Variants in PNPLA7 observed in about 807,000 individuals in gnomAD.
PNPLA7 encodes the protein patatin-like phospholipase domain-containing protein 7.
In PNPLA7, 153 loss-of-function variants were observed where a neutral mutation model predicts 161.7. The observed-to-expected ratio is 0.95, with a 90% CI of 0.83 to 1.08. The LOEUF is 1.08. Among genes scored for constraint, PNPLA7 ranks in the 50% least tolerant of loss-of-function variants. PNPLA7 has a pLI of 0.00. For missense variants in PNPLA7, 1,739 were observed against 1,856.6 expected, an observed-to-expected ratio of 0.94 and a Z score of 1.16; for synonymous variants, 809 against 782.1, an observed-to-expected ratio of 1.03 and a Z score of -0.57.
chr9:137,537,168 T>C lies in PNPLA7; in HGVS notation c.747+3474A>G, dbSNP rs748061797. Among the ~76,000 whole-genome samples, 9 of 152,234 alleles carry C rather than the reference T, an allele frequency of 5.9e-5. No individual in the cohort carries two copies. The highest frequency in any genetic ancestry group is 2.2e-4 in the African/African-American group (9 of 41,446). On this transcript the variant is annotated intron_variant, in intron 8 of 34. Coordinates refer to ENST00000406427, the MANE Select transcript of PNPLA7 (RefSeq NM_001098537.3). This position sits in a 1 kb window ranked among gnomAD's most constrained non-coding sequence, Gnocchi z 4.5. Reference sequence around the variant, plus strand: ...CAGACGGCCACTGTTGATAAAACTTTAAGTATGTTTTTAGAATCTGTCCAT... The same window carrying C: ...CAGACGGCCACTGTTGATAAAACTTCAAGTATGTTTTTAGAATCTGTCCAT...
Position 137,524,603 on chromosome 9 carries a change from C to T in PNPLA7, c.748-1746G>A, listed in dbSNP as rs943270577. On this transcript the variant is annotated intron_variant, in intron 8 of 34. Coordinates refer to ENST00000406427, the MANE Select transcript of PNPLA7 (RefSeq NM_001098537.3). This position sits in a 1 kb window ranked among gnomAD's most constrained non-coding sequence, Gnocchi z 4.4. ...CTAGGGATGGGACTTGTAGGTTGTA[C>T]GGAACACGTATCCTCACATTTATAA... 1.3e-5 allele frequency among the ~76,000 whole-genome samples: 2 copies of T among 152,350 alleles called. No individual in the cohort carries two copies. Among genetic ancestry groups the T allele is most frequent in the East Asian group, 3.9e-4 (2 of 5,192 alleles).
At chr9:137,491,061 A>C (rs190054495) in intron 20 of PNPLA7, among the ~76,000 whole-genome samples, 2 of 152,308 alleles carry the variant, frequency 1.3e-5, no homozygotes, top group African/African-American at 4.8e-5. Context: ...ACAGTTGATA[A>C]TTATAATGGA....
chr9:137,501,589 C>T, intron 15 of PNPLA7, 61 bp downstream of exon 15: 2 of 1,513,590 alleles, frequency 1.3e-6, no homozygotes, highest in East Asian at 2.3e-5. Context: ...TCTGGTGCTC[C>T]ACTTGGCACT....
chr9:137,519,775 A>G (rs1834891957), intron 11 of PNPLA7, 142 bp downstream of exon 11: 1 of 1,120,466 alleles, frequency 8.9e-7, no homozygotes, highest in Non-Finnish European at 1.2e-6. Flanking sequence ...TTGTAGGGTG[A>G]CCTGGGCCGT....
intron 26 of PNPLA7, 23 bp from the exon 27 acceptor site, chr9:137,464,479 CAGA>C: frequency 6.2e-7 from 1 of 1,601,452 alleles, no homozygotes; most frequent in East Asian, 2.2e-5. Context: ...GTGGAATTTA[CAGA>C]AGGCTTCCAC....
intron 20 of PNPLA7, chr9:137,491,613 C>A (rs1395215524): frequency 1.0e-6 from 1 of 985,430 alleles, no homozygotes. Context: ...TACCCAGAAC[C>A]GCAAAATGTG....
At chr9:137,496,160 A>G (rs1157962627) in intron 18 of PNPLA7, among the ~76,000 whole-genome samples, 1 of 138,058 alleles carries the variant, frequency 7.2e-6, no homozygotes, top group Non-Finnish European at 1.5e-5. Flanking sequence ...TTTTTGAGAT[A>G]GAGTTTAGCT....
chr9:137,522,758 A>G lies in PNPLA7; in HGVS notation c.847T>C (p.Tyr283His). 6.2e-7 allele frequency: 1 copy of G among 1,613,692 alleles called. No homozygotes were observed. Among genetic ancestry groups the G allele is most frequent in the Non-Finnish European group, 8.5e-7 (1 of 1,179,924 alleles). The change falls in exon 9 of 35, where the codon TAT (tyrosine) becomes CAT (histidine). Residue 283 changes from tyrosine (Y) to histidine (H), a missense_variant. Coordinates refer to ENST00000406427, the MANE Select transcript of PNPLA7 (RefSeq NM_001098537.3). ...AAAFHGVFEK[Y>H]PETLVRVVQI... ...ACCACCCTCACCAGAGTTTCCGGAT[A>G]TTTCTCAAAAACTCCATGAAAAGCC... is the stretch of plus-strand genomic sequence containing the variant.
rs546672178 is a variant in PNPLA7, at chr9:137,523,073, C to T, written c.748-216G>A. Among the ~76,000 whole-genome samples, 158 of 152,266 alleles carry T rather than the reference C, an allele frequency of 1.0e-3. 1 individual carries two copies. Among genetic ancestry groups the T allele is most frequent in the African/African-American group, 3.6e-3 (151 of 41,556 alleles). ...ACATGTGCGGCGAAGGACTGGCTGA[C>T]GATGAAATGTGGGTGAGGGGAGGCC... On this transcript the variant is annotated intron_variant, in intron 8 of 34. Transcript: ENST00000406427. The surrounding 1 kb of genome is among the most constrained non-coding windows in gnomAD (Gnocchi z 4.4).
At position 137,498,251 on chromosome 9, in the gene PNPLA7, G is replaced by A. The variant is rs751491885; in HGVS notation, c.1758-6C>T. The A allele has an allele frequency of 7.5e-5, 120 of 1,609,384 alleles. No individual in the cohort carries two copies. Among genetic ancestry groups the A allele is most frequent in the Middle Eastern group, 3.3e-4 (2 of 6,078 alleles). ...TCGGCTGCTTCCGCATGATTCTGCCGGGCAGCCCAGAGTCAATCCTGCCCC... is the reference window on the plus strand; with the variant it reads ...TCGGCTGCTTCCGCATGATTCTGCCAGGCAGCCCAGAGTCAATCCTGCCCC... On this transcript the variant is annotated splice_region_variant and splice_polypyrimidine_tract_variant and intron_variant, in intron 16 of 34. Coordinates refer to ENST00000406427, the MANE Select transcript of PNPLA7 (RefSeq NM_001098537.3).
At chr9:137,474,638 A>G (rs765093106) in intron 25 of PNPLA7, among the ~76,000 whole-genome samples, 16 of 152,174 alleles carry the variant, frequency 1.1e-4, no homozygotes, top group Non-Finnish European at 2.1e-4. Context: ...AGTGGAACAG[A>G]AGGACAGAGA....
At position 137,523,093 on chromosome 9, in the gene PNPLA7, G is replaced by A. The variant is rs753512636; in HGVS notation, c.748-236C>T. Among the ~76,000 whole-genome samples the A allele has an allele frequency of 3.3e-5, 5 of 152,178 alleles. No homozygotes were observed. Among genetic ancestry groups the A allele is most frequent in the Non-Finnish European group, 7.4e-5 (5 of 68,018 alleles). On this transcript the variant is annotated intron_variant, in intron 8 of 34. Transcript: ENST00000406427. This position sits in a 1 kb window ranked among gnomAD's most constrained non-coding sequence, Gnocchi z 4.4. ...GCTGACGATGAAATGTGGGTGAGGG[G>A]AGGCCCGCAGGCAGCCACCCCACCA...
intron 25 of PNPLA7, among the ~76,000 whole-genome samples, chr9:137,474,926 C>T (rs1831871697): frequency 7.5e-6 from 1 of 133,894 alleles, no homozygotes; most frequent in Admixed American, 8.6e-5. Flanking sequence ...GAGGCTGAGG[C>T]AGGAGAATGG....
chr9:137,499,725 C>T lies in PNPLA7; in HGVS notation c.1757+966G>A, dbSNP rs938263643. Among the ~76,000 whole-genome samples the T allele has an allele frequency of 1.3e-5, 2 of 152,254 alleles. No individual in the cohort carries two copies. The highest frequency in any genetic ancestry group is 4.8e-5 in the African/African-American group (2 of 41,456). ...CCTGCCCCTTGCCCGGCTCGGGGTC[C>T]CCAGGCTGAAGCAGCAACGGCGCGG... On this transcript the variant is annotated intron_variant, in intron 16 of 34. Transcript: ENST00000406427. The surrounding 1 kb of genome is among the most constrained non-coding windows in gnomAD (Gnocchi z 5.5).
chr9:137,535,836 A>G (rs1234900243), intron 8 of PNPLA7, among the ~76,000 whole-genome samples: 1 of 151,968 alleles, frequency 6.6e-6, no homozygotes. Flanking sequence ...GATTTGGAAA[A>G]TAAAGTTGAA....
At chr9:137,536,842 C>T (rs975291224) in intron 8 of PNPLA7, among the ~76,000 whole-genome samples, 47 of 144,026 alleles carry the variant, frequency 3.3e-4, no homozygotes, top group African/African-American at 9.4e-4. Context: ...GGCCATCCTC[C>T]GAGCCACACT....
intron 13 of PNPLA7, 94 bp downstream of exon 13, chr9:137,505,889 A>G: frequency 2.0e-6 from 3 of 1,527,788 alleles, no homozygotes; most frequent in African/African-American, 1.4e-5. Flanking sequence ...CAGGTGCCAC[A>G]TGACACCAAA....
At chr9:137,491,479 G>A (rs1274303357) in intron 20 of PNPLA7, 1 of 980,738 alleles carries the variant, frequency 1.0e-6, no homozygotes, top group Non-Finnish European at 1.2e-6. Flanking sequence ...TCACGGTGCC[G>A]GTAAGTGGAG....
At chr9:137,548,627 A>G (rs917604469) in intron 1 of PNPLA7, among the ~76,000 whole-genome samples, 3 of 152,218 alleles carry the variant, frequency 2.0e-5, no homozygotes, top group Non-Finnish European at 4.4e-5. Context: ...GGGTGCCTGT[A>G]GTCCCAGCTA....
Sources: gnomAD v4.1 joint callset for allele counts (sites outside exome capture counted in the v4.1 genomes callset) on GRCh38, gnomAD v4.1.1 for gene constraint, Gnocchi (gnomAD v3.1) non-coding constraint, MANE v1.5 for transcripts, NCBI Gene and HGNC (gene_info 2026-07-23, HGNC 2026-07-21) for gene names.